WNT7A: variants seen among roughly 807,000 people sequenced by gnomAD.
The protein encoded by WNT7A is protein Wnt-7a.
WNT7A carries 16 observed loss-of-function variants against 28.2 expected under a neutral mutation model. That is an observed-to-expected ratio of 0.57 (90% CI 0.38 to 0.86). The LOEUF (loss-of-function observed/expected upper bound fraction) is 0.86. Among genes scored for constraint, WNT7A ranks in the 40% least tolerant of loss-of-function variants. The pLI is 0.00. For missense variants in WNT7A, 411 were observed against 489.7 expected (o/e 0.84, Z 1.52); for synonymous variants, 190 against 195.9 (o/e 0.97, Z 0.25).
intron 2 of WNT7A, among the ~76,000 whole-genome samples, chr3:13,873,117 G>C (rs1054847970): frequency 2.6e-5 from 4 of 152,088 alleles, no homozygotes; most frequent in African/African-American, 9.7e-5. Context: ...CTAAACTGGA[G>C]TCTCAGTGTT....
chr3:13,863,777 C>T (rs912255206), intron 2 of WNT7A: 3 of 152,204 alleles, frequency 2.0e-5, no homozygotes, highest in African/African-American at 7.2e-5. Context: ...ATCCATCCTT[C>T]TAAGCATTCA....
chr3:13,875,407 TTTTG>T (rs1695096655), intron 1 of WNT7A, among the ~76,000 whole-genome samples: 1 of 152,212 alleles, frequency 6.6e-6, no homozygotes, highest in African/African-American at 2.4e-5. Flanking sequence ...CACACTTGAT[TTTTG>T]TTTTAGAAAC....
intron 3 of WNT7A, among the ~76,000 whole-genome samples, chr3:13,831,039 G>A (rs1335082386): frequency 2.0e-5 from 3 of 152,198 alleles, no homozygotes; most frequent in Non-Finnish European, 4.4e-5. Context: ...AATCACTACT[G>A]TGATTATGTA....
At chr3:13,819,557 A>G (rs1694079323) in intron 3 of WNT7A, 134 bp from the exon 4 acceptor site, 1 of 1,253,336 alleles carries the variant, frequency 8.0e-7, no homozygotes, top group Non-Finnish European at 1.0e-6. Flanking sequence ...TTTCTGGTGT[A>G]GGAAACTCAG....
chr3:13,856,951 A>G (rs373283600), intron 2 of WNT7A, among the ~76,000 whole-genome samples: 16,106 of 91,758 alleles, frequency 0.18, 1,506 homozygotes, highest in East Asian at 0.47. Flanking sequence ...GAAGAAGAAG[A>G]AGAAGAAGAA....
At chr3:13,850,773 T>C (rs1694620701) in intron 3 of WNT7A, among the ~76,000 whole-genome samples, 1 of 152,102 alleles carries the variant, frequency 6.6e-6, no homozygotes, top group African/African-American at 2.4e-5. Flanking sequence ...AATATTATCA[T>C]GGAGGCTCGG....
At chr3:13,822,674 C>T (rs1444772795) in intron 3 of WNT7A, among the ~76,000 whole-genome samples, 1 of 152,140 alleles carries the variant, frequency 6.6e-6, no homozygotes, top group Non-Finnish European at 1.5e-5. Context: ...TATTAAAAGC[C>T]ATTGAATTGC....
chr3:13,868,842 G>A (rs1465401771), intron 2 of WNT7A, among the ~76,000 whole-genome samples: 5 of 80,488 alleles, frequency 6.2e-5, no homozygotes, highest in Non-Finnish European at 1.1e-4. Context: ...GAAAGAGAGA[G>A]AGAAAGTGAG....
intron 2 of WNT7A, among the ~76,000 whole-genome samples, chr3:13,874,734 C>A (rs948124779): frequency 1.0e-5 from 1 of 100,242 alleles, no homozygotes; most frequent in Non-Finnish European, 2.3e-5. Flanking sequence ...TGCTGGTTTG[C>A]ACCTCTGTCA....
Position 13,871,823 on chromosome 3 carries a change from G to C in WNT7A, c.298+3124C>G, listed in dbSNP as rs571238333. Among the ~76,000 whole-genome samples, 30 of 152,190 alleles carry C rather than the reference G, an allele frequency of 2.0e-4. 1 individual carries two copies. The South Asian group carries it at 5.6e-3, about 28-fold the overall frequency. On this transcript the variant is annotated intron_variant, in intron 2 of 3. Coordinates refer to ENST00000285018, the MANE Select transcript of WNT7A (RefSeq NM_004625.4). ...GCTGCTAAACCCAAAGTCGGATACT[G>C]TCCCTCCCTTATTGTCTCCCCTCCA...
At chr3:13,879,342 C>T (rs374136758) in intron 1 of WNT7A, among the ~76,000 whole-genome samples, 256 of 152,302 alleles carry the variant, frequency 1.7e-3, no homozygotes, top group African/African-American at 5.9e-3. Context: ...GTCTCGGGCT[C>T]CGGGGACTGA....
chr3:13,868,367 CCT>C (rs1694943416), intron 2 of WNT7A, among the ~76,000 whole-genome samples: 6 of 151,616 alleles, frequency 4.0e-5, no homozygotes, highest in Middle Eastern at 3.4e-3. Flanking sequence ...GTGGTGTGTG[CCT>C]GTAATCCCAG....
intron 2 of WNT7A, among the ~76,000 whole-genome samples, chr3:13,862,710 G>C (rs534985343): frequency 1.3e-5 from 2 of 152,140 alleles, no homozygotes; most frequent in Non-Finnish European, 2.9e-5. Context: ...CCCACAGCTC[G>C]GGAAACTGGG....
intron 1 of WNT7A, among the ~76,000 whole-genome samples, chr3:13,877,860 C>T (rs66577627): frequency 0.16 from 24,740 of 152,264 alleles, 2,218 homozygotes; most frequent in Middle Eastern, 0.24. Flanking sequence ...GTCACCTGAA[C>T]TATCCGAGCA....
chr3:13,856,339 A>G (rs972773118), intron 2 of WNT7A, among the ~76,000 whole-genome samples: 2 of 152,234 alleles, frequency 1.3e-5, no homozygotes, highest in Non-Finnish European at 2.9e-5. Context: ...GGTACAGGAG[A>G]AGGGGGCATG....
In WNT7A at chr3:13,879,792, G is replaced by A. The variant is rs145718587; in HGVS notation, c.25C>T (p.Leu9=). 386 of 1,612,364 alleles carry A rather than the reference G, an allele frequency of 2.4e-4. 1 individual carries two copies. The highest frequency in any genetic ancestry group is 2.6e-4 in the Non-Finnish European group (306 of 1,179,184). ...CCCAGGCTGAGAAAGAGGTGGCCCA[G>A]GCAGCGCCGCGCTTTCCGGTTCATA... The part of the protein sequence containing the change: MNRKARRC[L]GHLFLSLGMV... The change falls in exon 1 of 4, where the codon CTG becomes TTG. Residue 9 remains leucine (L), a synonymous_variant. Transcript: ENST00000285018.
chr3:13,833,122 T>A (rs895675151), intron 3 of WNT7A, among the ~76,000 whole-genome samples: 4 of 151,890 alleles, frequency 2.6e-5, no homozygotes, highest in Non-Finnish European at 5.9e-5. Context: ...TCCCACCATG[T>A]GCTCACACAT....
intron 3 of WNT7A, among the ~76,000 whole-genome samples, chr3:13,847,609 A>G (rs1048175999): frequency 6.6e-6 from 1 of 152,224 alleles, no homozygotes; most frequent in African/African-American, 2.4e-5. Flanking sequence ...ATAGGCTGAA[A>G]AACGAAACCT....
chr3:13,829,946 C>T (rs1042488265), intron 3 of WNT7A, among the ~76,000 whole-genome samples: 1 of 152,170 alleles, frequency 6.6e-6, no homozygotes, highest in Non-Finnish European at 1.5e-5. Context: ...CCCAGAACCC[C>T]TGTCCTATTG....
Sources: allele counts gnomAD v4.1 joint callset (sites outside exome capture counted in the v4.1 genomes callset), GRCh38; gene constraint gnomAD v4.1.1; transcripts MANE v1.5; gene names NCBI Gene and HGNC (gene_info 2026-07-23, HGNC 2026-07-21).